Variants in CNTNAP5 observed in about 807,000 individuals in gnomAD.
The protein encoded by CNTNAP5 is contactin associated protein family member 5.
In CNTNAP5, 72 loss-of-function variants were observed where a neutral mutation model predicts 150.2. The observed-to-expected ratio is 0.48, with a 90% confidence interval of 0.40 to 0.58. The LOEUF is 0.58. Among genes scored for constraint, CNTNAP5 ranks in the 20% least tolerant of loss-of-function variants. CNTNAP5 has a pLI of 0.00. For missense variants in CNTNAP5, 1,636 were observed against 1,626.2 expected (o/e 1.01, Z -0.10); for synonymous variants, 672 against 619.8 (o/e 1.08, Z -1.25).
chr2:124,126,798 A>G (rs1241694763), intron 1 of CNTNAP5, among the ~76,000 whole-genome samples: 1 of 152,222 alleles, frequency 6.6e-6, no homozygotes, highest in African/African-American at 2.4e-5. Context: ...AACAGAACCA[A>G]AGACAAAAAC....
intron 13 of CNTNAP5, among the ~76,000 whole-genome samples, chr2:124,713,318 CCT>C (rs1679868451): frequency 2.3e-4 from 10 of 43,952 alleles, no homozygotes; most frequent in South Asian, 1.2e-3. Flanking sequence ...CTCTTTCTTT[CCT>C]TTCTTTCTTT....
chr2:124,105,326 C>T (rs1683150644), intron 1 of CNTNAP5, among the ~76,000 whole-genome samples: 1 of 152,132 alleles, frequency 6.6e-6, no homozygotes, highest in African/African-American at 2.4e-5. Flanking sequence ...TGACATTTTG[C>T]AAATGTTTGA....
At chr2:124,504,119 C>A (rs939446332) in intron 7 of CNTNAP5, among the ~76,000 whole-genome samples, 173 bp from the exon 8 acceptor site, 1 of 152,228 alleles carries the variant, frequency 6.6e-6, no homozygotes, top group East Asian at 1.9e-4. Flanking sequence ...GAGCGGAAAA[C>A]GATCTTGTGA....
In CNTNAP5 at chr2:124,078,738, G is replaced by C. The variant is rs577970317; in HGVS notation, c.82+53006G>C. Among the ~76,000 whole-genome samples, 463 of 152,280 alleles carry C rather than the reference G, an allele frequency of 3.0e-3. 5 individuals carry two copies. The highest frequency in any genetic ancestry group is 5.5e-3 in the Non-Finnish European group (375 of 68,028). On this transcript the variant is annotated intron_variant, in intron 1 of 23. Transcript: ENST00000682447. ...ATGCTATTCTGATAGCAAACATTGAGACAAGGAATTGGGTGCAGGTATTTT... is the reference window on the plus strand; with the variant it reads ...ATGCTATTCTGATAGCAAACATTGACACAAGGAATTGGGTGCAGGTATTTT...
chr2:124,543,369 G>A (rs564503159), intron 10 of CNTNAP5, among the ~76,000 whole-genome samples: 1 of 152,244 alleles, frequency 6.6e-6, no homozygotes, highest in South Asian at 2.1e-4. Flanking sequence ...TAGACAAAAT[G>A]TCTTTGGTGA....
chr2:124,299,488 T>C (rs1688521815), intron 3 of CNTNAP5, among the ~76,000 whole-genome samples: 1 of 152,214 alleles, frequency 6.6e-6, no homozygotes, highest in Admixed American at 6.5e-5. Flanking sequence ...GGCCTCCAGC[T>C]CCATCCATGT....
intron 17 of CNTNAP5, among the ~76,000 whole-genome samples, chr2:124,777,775 A>ATGTGTATG (rs1681357853): frequency 7.7e-6 from 1 of 130,600 alleles, no homozygotes; most frequent in South Asian, 2.7e-4. Context: ...GAATGGAGGG[A>ATGTGTATG]TGTGTGTGTG....
intron 19 of CNTNAP5, among the ~76,000 whole-genome samples, chr2:124,848,087 CA>C (rs559023304): frequency 9.7e-4 from 147 of 152,152 alleles, no homozygotes; most frequent in African/African-American, 3.3e-3. Context: ...TTACCACAAT[CA>C]AAAAAACACA....
chr2:124,835,978 T>G (rs977794378), intron 19 of CNTNAP5, among the ~76,000 whole-genome samples: 5 of 152,090 alleles, frequency 3.3e-5, no homozygotes, highest in Non-Finnish European at 7.4e-5. Flanking sequence ...TTTAGTTAGA[T>G]TATTCAGAAA....
chr2:124,533,423 T>C (rs1695157919), intron 10 of CNTNAP5, among the ~76,000 whole-genome samples: 1 of 152,178 alleles, frequency 6.6e-6, no homozygotes, highest in African/African-American at 2.4e-5. Context: ...ATGCTGCTGC[T>C]ACTGGGCTGG....
intron 3 of CNTNAP5, among the ~76,000 whole-genome samples, chr2:124,354,413 C>T (rs1228945500): frequency 1.3e-5 from 2 of 152,124 alleles, no homozygotes; most frequent in Non-Finnish European, 2.9e-5. Flanking sequence ...ATTGGACCTG[C>T]CATAATAAAG....
intron 8 of CNTNAP5, among the ~76,000 whole-genome samples, chr2:124,509,262 C>G (rs1351854043): frequency 6.6e-6 from 1 of 152,146 alleles, no homozygotes; most frequent in Non-Finnish European, 1.5e-5. Context: ...AATGCATCCT[C>G]AAAATAGAAG....
intron 13 of CNTNAP5, among the ~76,000 whole-genome samples, chr2:124,670,133 T>TTTCCTTCCTTCCTTCCTTCCTTCC (rs796656346): frequency 3.5e-4 from 39 of 112,606 alleles, no homozygotes; most frequent in Middle Eastern, 4.4e-3. Flanking sequence ...TCCTTCCTTC[T>TTTCCTTCCTTCCTTCCTTCCTTCC]TTCCTTCCTT....
chr2:124,894,035 T>TA (rs540797150), intron 21 of CNTNAP5, among the ~76,000 whole-genome samples: 14 of 152,276 alleles, frequency 9.2e-5, no homozygotes, highest in South Asian at 4.1e-4. Flanking sequence ...ACATATGTGT[T>TA]AAAAAATCTC....
At chr2:124,799,786 T>C (rs961605795) in intron 19 of CNTNAP5, among the ~76,000 whole-genome samples, 1 of 152,190 alleles carries the variant, frequency 6.6e-6, no homozygotes, top group Non-Finnish European at 1.5e-5. Flanking sequence ...AGTGAAATAA[T>C]GATGATGGAC....
At chr2:124,034,540 T>G (rs1681158521) in intron 1 of CNTNAP5, among the ~76,000 whole-genome samples, 2 of 152,144 alleles carry the variant, frequency 1.3e-5, no homozygotes, top group Non-Finnish European at 2.9e-5. Context: ...AGTTCCTGGG[T>G]TGGGTCATAG....
At chr2:124,812,359 CA>C (rs1682255302) in intron 19 of CNTNAP5, among the ~76,000 whole-genome samples, 1 of 150,760 alleles carries the variant, frequency 6.6e-6, no homozygotes, top group African/African-American at 2.4e-5. Context: ...TGAAGTCCCC[CA>C]ACCCCCCAGT....
chr2:124,312,609 C>T (rs999714143), intron 3 of CNTNAP5, among the ~76,000 whole-genome samples: 5 of 152,026 alleles, frequency 3.3e-5, no homozygotes, highest in South Asian at 2.1e-4. Flanking sequence ...CTCGCTCTTT[C>T]GCCCAGGCCG....
intron 13 of CNTNAP5, among the ~76,000 whole-genome samples, chr2:124,696,041 G>C (rs372289630): frequency 1.3e-5 from 2 of 152,178 alleles, no homozygotes; most frequent in East Asian, 3.9e-4. Flanking sequence ...GAACCCCAAA[G>C]CTTTCCCTCT....
Sources: allele counts gnomAD v4.1 joint callset (sites outside exome capture counted in the v4.1 genomes callset), GRCh38; gene constraint gnomAD v4.1.1; transcripts MANE v1.5; gene names NCBI Gene and HGNC (gene_info 2026-07-23, HGNC 2026-07-21).